Variants in EMCN observed in about 807,000 individuals in gnomAD.
EMCN encodes the protein endomucin.
Under a neutral mutation model 38.4 loss-of-function variants are expected in EMCN, and 37 were observed. That is an observed-to-expected ratio of 0.96 (90% CI 0.74 to 1.27). The LOEUF (loss-of-function observed/expected upper bound fraction) is 1.27, where lower values mean the gene tolerates loss of function less well. EMCN is among the 50% of genes most tolerant of loss of function. The pLI, the probability that EMCN is intolerant of heterozygous loss-of-function variation, is 0.00. For synonymous variants in EMCN, 95 were observed against 100.8 expected (o/e 0.94, Z 0.35); for missense variants, 318 against 302.8 (o/e 1.05, Z -0.37).
At chr4:100,463,897 C>T (rs1306809483) in intron 4 of EMCN, among the ~76,000 whole-genome samples, 1 of 152,028 alleles carries the variant, frequency 6.6e-6, no homozygotes, top group Non-Finnish European at 1.5e-5. Flanking sequence ...TATTCCAGGT[C>T]CTTTTTATTT....
intron 1 of EMCN, among the ~76,000 whole-genome samples, chr4:100,492,681 A>G (rs1437124100): frequency 6.6e-6 from 1 of 152,222 alleles, no homozygotes; most frequent in Admixed American, 6.5e-5. Context: ...CACATCATAT[A>G]TAAAGGGATC....
intron 4 of EMCN, among the ~76,000 whole-genome samples, chr4:100,464,811 G>T (rs988543674): frequency 9.2e-5 from 14 of 151,856 alleles, no homozygotes; most frequent in Admixed American, 8.5e-4. Flanking sequence ...GAGCCATATT[G>T]GTCTATAGTT....
intron 5 of EMCN, among the ~76,000 whole-genome samples, chr4:100,432,932 G>A (rs1320418649): frequency 1.3e-5 from 2 of 152,158 alleles, no homozygotes; most frequent in African/African-American, 4.8e-5. Flanking sequence ...TGAAGGAAAT[G>A]AACATATCAA....
At chr4:100,444,546 G>A (rs1025347740) in intron 5 of EMCN, among the ~76,000 whole-genome samples, 11 of 152,088 alleles carry the variant, frequency 7.2e-5, no homozygotes, top group Admixed American at 2.6e-4. Context: ...GGGTTGGAGC[G>A]CCATTTCAGT....
intron 1 of EMCN, among the ~76,000 whole-genome samples, chr4:100,483,193 T>C (rs1025339951): frequency 4.6e-5 from 7 of 152,100 alleles, no homozygotes; most frequent in African/African-American, 1.7e-4. Context: ...ACAAAGAGGC[T>C]CATATTCTTA....
chr4:100,486,963 T>G (rs1453280739), intron 1 of EMCN: 1 of 985,070 alleles, frequency 1.0e-6, no homozygotes, highest in Non-Finnish European at 1.2e-6. Context: ...TATTTTTAGA[T>G]TGTGGACTTT....
At chr4:100,440,291 G>T (rs1727474013) in intron 5 of EMCN, among the ~76,000 whole-genome samples, 1 of 151,698 alleles carries the variant, frequency 6.6e-6, no homozygotes, top group African/African-American at 2.4e-5. Context: ...TTTGTTACAT[G>T]GATGAATTAT....
Position 100,426,016 on chromosome 4 carries a change from A to G in EMCN, c.416-2612T>C, listed in dbSNP as rs74820001. On this transcript the variant is annotated intron_variant, in intron 5 of 11. Transcript: ENST00000296420. ...CTTGGAGCAAGCTGATGAGACAGAGACCCTCAGAGTCAAGTCTGTTGTAAT... is the reference window on the plus strand; with the variant it reads ...CTTGGAGCAAGCTGATGAGACAGAGGCCCTCAGAGTCAAGTCTGTTGTAAT... 2.4e-3 allele frequency among the ~76,000 whole-genome samples: 372 copies of G among 152,214 alleles called. 1 individual carries two copies. The highest frequency in any genetic ancestry group is 8.0e-3 in the African/African-American group (332 of 41,544).
intron 4 of EMCN, among the ~76,000 whole-genome samples, chr4:100,457,373 C>T (rs1283877849): frequency 6.6e-6 from 1 of 152,050 alleles, no homozygotes; most frequent in African/African-American, 2.4e-5. Context: ...TGAGAGTGGA[C>T]ATCATTTGCT....
rs1258740851 is a variant in EMCN at position 100,395,513 on chromosome 4, G to A, written c.*2900C>T. 1 of 151,974 alleles carries A rather than the reference G, an allele frequency of 6.6e-6. No individual in the cohort carries two copies. The allele number at this position is 151,974 out of a possible 1,614,324, so 9.4% of individuals were successfully genotyped here. ...CAATGATGGATATCTTTAACATTAGGCAATAATTGACAGTTTTATAGTGGT... is the reference window on the plus strand; with the variant it reads ...CAATGATGGATATCTTTAACATTAGACAATAATTGACAGTTTTATAGTGGT... On this transcript the variant is annotated 3_prime_UTR_variant, in exon 12 of 12. Coordinates refer to ENST00000296420, the MANE Select transcript of EMCN (RefSeq NM_016242.4).
At chr4:100,508,461 A>C (rs994773290) in intron 1 of EMCN, among the ~76,000 whole-genome samples, 2 of 152,202 alleles carry the variant, frequency 1.3e-5, no homozygotes, top group African/African-American at 4.8e-5. Context: ...TATTTAACAA[A>C]GAACAAGGTG....
At position 100,492,339 on chromosome 4, in the gene EMCN, T is replaced by C. The variant is rs1434374214; in HGVS notation, c.65-12300A>G. ...TCAGTGAGCTTAAAGATAGAACATT[T>C]GAAATTGTCCAATCAGAGGAGCAAA... On this transcript the variant is annotated intron_variant, in intron 1 of 11. Coordinates refer to ENST00000296420, the MANE Select transcript of EMCN (RefSeq NM_016242.4). Among the ~76,000 whole-genome samples, 3 of 151,984 alleles carry C rather than the reference T, an allele frequency of 2.0e-5. 1 individual carries two copies. In the East Asian group the frequency reaches 5.8e-4, roughly 29 times the overall value.
In EMCN at chr4:100,490,810, A is replaced by G. The variant is rs368335735; in HGVS notation, c.65-10771T>C. On this transcript the variant is annotated intron_variant, in intron 1 of 11. Coordinates refer to ENST00000296420, the MANE Select transcript of EMCN (RefSeq NM_016242.4). ...TGTACTAGGGTTCCGTTTTCTCTAC[A>G]TCCTATCTAATACATATCTTCTTTT... Among the ~76,000 whole-genome samples the G allele has an allele frequency of 2.2e-4, 34 of 152,280 alleles. 1 individual carries two copies. The South Asian group carries it at 6.8e-3, about 31-fold the overall frequency.
intron 1 of EMCN, among the ~76,000 whole-genome samples, chr4:100,484,867 A>G (rs986051019): frequency 3.3e-5 from 5 of 152,128 alleles, no homozygotes; most frequent in African/African-American, 1.2e-4. Flanking sequence ...TTAGTAAAAA[A>G]GTTTCTTTTA....
At chr4:100,476,416 TGA>T (rs2110277132) in intron 2 of EMCN, among the ~76,000 whole-genome samples, 1 of 152,226 alleles carries the variant, frequency 6.6e-6, no homozygotes, top group East Asian at 1.9e-4. Context: ...CCCAAAGTGC[TGA>T]GATTACAGGT....
intron 2 of EMCN, among the ~76,000 whole-genome samples, chr4:100,475,679 T>G (rs1028771537): frequency 2.4e-5 from 3 of 126,948 alleles, no homozygotes; most frequent in South Asian, 2.8e-4. Context: ...TTTTTTTTTT[T>G]TTTTTTTTTT....
At chr4:100,446,498 G>C (rs888208984) in intron 5 of EMCN, among the ~76,000 whole-genome samples, 1 of 152,016 alleles carries the variant, frequency 6.6e-6, no homozygotes, top group Non-Finnish European at 1.5e-5. Flanking sequence ...ATAATTTTTA[G>C]TGTCACTCAT....
intron 11 of EMCN, among the ~76,000 whole-genome samples, chr4:100,408,511 G>C (rs1033088122): frequency 2.6e-5 from 4 of 152,174 alleles, no homozygotes; most frequent in African/African-American, 7.2e-5. Context: ...TGGTGTTGAA[G>C]TTTGGTTTGC....
At chr4:100,414,348 C>CTTTTTTTTTTT (rs5860622) in intron 10 of EMCN, among the ~76,000 whole-genome samples, 2 of 59,810 alleles carry the variant, frequency 3.3e-5, no homozygotes, top group Non-Finnish European at 6.8e-5. Flanking sequence ...TGCTTGAGCA[C>CTTTTTTTTTTT]TTTTTTTTTT....
Sources: allele counts gnomAD v4.1 joint callset (sites outside exome capture counted in the v4.1 genomes callset), GRCh38; gene constraint gnomAD v4.1.1; transcripts MANE v1.5; gene names NCBI Gene and HGNC (gene_info 2026-07-23, HGNC 2026-07-21).